The following ANXA8 variants were observed in gnomAD, a reference collection of about 807,000 sequenced individuals.
The protein encoded by ANXA8 is annexin A8.
In ANXA8, 9 loss-of-function variants were observed where a neutral mutation model predicts 26.8. That is an observed-to-expected ratio of 0.34 (90% CI 0.20 to 0.59). ANXA8 has a LOEUF of 0.59. ANXA8 is among the 20% of genes least tolerant of loss of function. The pLI, the probability that ANXA8 is intolerant of heterozygous loss-of-function variation, is 0.84. For missense variants in ANXA8, 83 were observed against 238.5 expected, an observed-to-expected ratio of 0.35 and a Z score of 4.29; for synonymous variants, 39 against 94.8, an observed-to-expected ratio of 0.41 and a Z score of 3.42.
At chr10:47,985,858 G>T in the ANXA8 span, 1 of 147,462 alleles carries the variant, frequency 6.8e-6, no homozygotes, top group African/African-American at 2.5e-5. Flanking sequence ...TTTCATACCT[G>T]ACTTCTTTCA....
the ANXA8 span, among the ~76,000 whole-genome samples, chr10:47,953,467 G>A: frequency 3.3e-5 from 5 of 150,858 alleles, no homozygotes; most frequent in Admixed American, 2.6e-4. Context: ...TACAATGTTA[G>A]TGGAAATTCA....
chr10:47,650,224 A>G, the ANXA8 span, among the ~76,000 whole-genome samples: 11 of 147,984 alleles, frequency 7.4e-5, no homozygotes, highest in African/African-American at 2.7e-4. Context: ...AAAAAAAAAG[A>G]AAGAAAGAAG....
the ANXA8 span, among the ~76,000 whole-genome samples, chr10:47,562,837 A>T: frequency 2.7e-5 from 4 of 150,796 alleles, no homozygotes; most frequent in Non-Finnish European, 5.9e-5. Context: ...ACAGGTAAGG[A>T]TCTCTTTCAA....
chr10:47,985,944 C>T, the ANXA8 span: 7 of 148,642 alleles, frequency 4.7e-5, no homozygotes, highest in Admixed American at 4.7e-4. Flanking sequence ...TTGTCTGCTA[C>T]CATTCCATTG....
chr10:47,664,872 T>C, the ANXA8 span, among the ~76,000 whole-genome samples: 1 of 143,084 alleles, frequency 7.0e-6, no homozygotes, highest in African/African-American at 2.8e-5. Flanking sequence ...ACTAAAGGTG[T>C]GCACCACCAT....
At chr10:47,520,867 A>C in the ANXA8 span, among the ~76,000 whole-genome samples, 2 of 132,458 alleles carry the variant, frequency 1.5e-5, 1 homozygote, top group Non-Finnish European at 3.1e-5. Context: ...AAAAAGAAGA[A>C]GAGGTAAATT....
At chr10:47,548,634 A>G in the ANXA8 span, among the ~76,000 whole-genome samples, 1 of 144,134 alleles carries the variant, frequency 6.9e-6, no homozygotes, top group Non-Finnish European at 1.5e-5. Flanking sequence ...TGCTAATGTA[A>G]AAGATCATAG....
the ANXA8 span, among the ~76,000 whole-genome samples, chr10:47,546,396 ATTTTTT>A: frequency 2.4e-4 from 14 of 59,502 alleles, no homozygotes; most frequent in East Asian, 4.0e-3. Context: ...GATAAGACCA[ATTTTTT>A]TTTTTTTTTT....
chr10:47,700,012 A>T, the ANXA8 span, among the ~76,000 whole-genome samples: 4 of 151,932 alleles, frequency 2.6e-5, no homozygotes, highest in Non-Finnish European at 4.4e-5. Context: ...AAATGAAGAC[A>T]TGAATAAATG....
chr10:47,584,705 T>C, the ANXA8 span, among the ~76,000 whole-genome samples: 281 of 104,384 alleles, frequency 2.7e-3, 3 homozygotes, highest in African/African-American at 0.012. Context: ...ATAGAAACTC[T>C]TCCTGAGATC....
At chr10:47,769,232 A>T in the ANXA8 span, among the ~76,000 whole-genome samples, 7 of 149,318 alleles carry the variant, frequency 4.7e-5, no homozygotes, top group Non-Finnish European at 1.0e-4. Context: ...TTTGAGCATG[A>T]AACCTCTTCC....
At chr10:47,988,821 T>A in the ANXA8 span, among the ~76,000 whole-genome samples, 22 of 151,750 alleles carry the variant, frequency 1.4e-4, 1 homozygote, top group Non-Finnish European at 2.7e-4. Flanking sequence ...GTTCCCAAAG[T>A]CCATACTCTT....
At chr10:47,660,330 A>C in the ANXA8 span, among the ~76,000 whole-genome samples, 128 of 150,692 alleles carry the variant, frequency 8.5e-4, no homozygotes, top group African/African-American at 3.0e-3. Context: ...GCATATTATT[A>C]TGCAAGTGAC....
the ANXA8 span, among the ~76,000 whole-genome samples, chr10:47,629,138 AC>A: frequency 1.2e-4 from 4 of 33,378 alleles, no homozygotes; most frequent in Non-Finnish European, 2.0e-4. Context: ...AATATTGAAA[AC>A]TGAAATAAAT....
chr10:47,733,225 T>G, the ANXA8 span, among the ~76,000 whole-genome samples: 1 of 58,326 alleles, frequency 1.7e-5, no homozygotes, highest in Non-Finnish European at 3.7e-5. Flanking sequence ...TTCTTTCTCT[T>G]TCTTTCTCTC....
the ANXA8 span, among the ~76,000 whole-genome samples, chr10:47,873,350 TC>T: frequency 8.5e-6 from 1 of 117,662 alleles, no homozygotes; most frequent in Non-Finnish European, 1.8e-5. Flanking sequence ...CAGGTTACCT[TC>T]CTTGCCTTGT....
At chr10:47,499,131 T>A in the ANXA8 span, among the ~76,000 whole-genome samples, 70 of 135,464 alleles carry the variant, frequency 5.2e-4, no homozygotes, top group Admixed American at 4.5e-3. Context: ...ATAATTTTTT[T>A]AAAAAGATAA....
At chr10:47,951,486 GA>G in the ANXA8 span, among the ~76,000 whole-genome samples, 2 of 150,148 alleles carry the variant, frequency 1.3e-5, no homozygotes, top group African/African-American at 2.5e-5. Flanking sequence ...GATACTACAA[GA>G]AAAAAATCTT....
chr10:47,684,688 C>T, the ANXA8 span, among the ~76,000 whole-genome samples: 5 of 151,796 alleles, frequency 3.3e-5, no homozygotes, highest in African/African-American at 7.3e-5. Context: ...TGGGTTCAAG[C>T]GATTCTCCTG....
Sources: allele counts gnomAD v4.1 joint callset (sites outside exome capture counted in the v4.1 genomes callset), GRCh38; gene constraint gnomAD v4.1.1; transcripts MANE v1.5; gene names NCBI Gene and HGNC (gene_info 2026-07-23, HGNC 2026-07-21).